Variants in PTPRN2 observed in about 807,000 individuals in gnomAD.
PTPRN2 encodes protein tyrosine phosphatase receptor type N2, also known as receptor-type tyrosine-protein phosphatase N2.
Under a neutral mutation model 118.8 loss-of-function variants are expected in PTPRN2, and 74 were observed. The observed-to-expected ratio is 0.62, with a 90% CI of 0.52 to 0.76. PTPRN2 has a LOEUF of 0.76. Among genes scored for constraint, PTPRN2 ranks in the 30% least tolerant of loss-of-function variants. The pLI is 0.00. For missense variants in PTPRN2, 1,481 were observed against 1,394.4 expected (o/e 1.06, Z -0.99); for synonymous variants, 641 against 608.0 (o/e 1.05, Z -0.80).
At chr7:158,295,791 CCTTT>C (rs1245016410) in intron 3 of PTPRN2, among the ~76,000 whole-genome samples, 1 of 149,932 alleles carries the variant, frequency 6.7e-6, no homozygotes, top group African/African-American at 2.5e-5. Flanking sequence ...GGTTCACCCG[CCTTT>C]CTGAGGGTCC....
intron 6 of PTPRN2, among the ~76,000 whole-genome samples, chr7:158,146,643 C>A (rs982811508): frequency 4.0e-5 from 6 of 149,476 alleles, no homozygotes; most frequent in Non-Finnish European, 8.9e-5. Context: ...ATGGTGTGAA[C>A]CCAGGAGGCG....
At chr7:158,530,667 T>C (rs1825152989) in intron 1 of PTPRN2, among the ~76,000 whole-genome samples, 2 of 152,246 alleles carry the variant, frequency 1.3e-5, no homozygotes, top group Admixed American at 1.3e-4. Context: ...GTGAGGTGTA[T>C]GTGTGCAGGT....
chr7:157,970,868 CCT>C (rs1802283876), intron 11 of PTPRN2, among the ~76,000 whole-genome samples: 3 of 152,204 alleles, frequency 2.0e-5, no homozygotes, highest in Admixed American at 2.0e-4. Context: ...CCCTGGTCCC[CCT>C]CTCTGCCCAG....
chr7:157,605,424 C>G (rs749574590), intron 15 of PTPRN2, among the ~76,000 whole-genome samples: 1 of 152,212 alleles, frequency 6.6e-6, no homozygotes, highest in Non-Finnish European at 1.5e-5. Flanking sequence ...CAGGTCTGGG[C>G]TCCCTGAAGG....
chr7:158,379,032 T>TGCAGGGTGAGGCAGGGTGAG lies in PTPRN2; in HGVS notation c.164-62101_164-62100insCTCACCCTGCCTCACCCTGC, dbSNP rs71302089. Among the ~76,000 whole-genome samples the TGCAGGGTGAGGCAGGGTGAG allele has an allele frequency of 5.3e-4, 80 of 152,186 alleles. 1 individual carries two copies. The East Asian group carries it at 0.013, about 25-fold the overall frequency. Reference sequence around the variant, plus strand: ...AGAGCTGTGGAGGGGAAGAGCTCCCTGCAGGGTGAGGCAGGGTGCGGGGTG... The same window carrying TGCAGGGTGAGGCAGGGTGAG: ...AGAGCTGTGGAGGGGAAGAGCTCCCTGCAGGGTGAGGCAGGGTGAGGCAGGGTGAGGCAGGGTGCGGGGTG... On this transcript the variant is annotated intron_variant, in intron 2 of 22. Coordinates refer to ENST00000389418, the MANE Select transcript of PTPRN2 (RefSeq NM_002847.5).
chr7:157,950,318 T>C (rs1159363867), intron 11 of PTPRN2, among the ~76,000 whole-genome samples: 1 of 152,190 alleles, frequency 6.6e-6, no homozygotes. Flanking sequence ...GAACGGAGGT[T>C]GTGCCAGGTC....
intron 2 of PTPRN2, among the ~76,000 whole-genome samples, chr7:158,363,811 C>T (rs1158698408): frequency 6.6e-6 from 1 of 152,196 alleles, no homozygotes; most frequent in East Asian, 1.9e-4. Context: ...CCACGGATGC[C>T]TCTGGCAGGT....
chr7:157,938,658 G>A (rs61505093), intron 11 of PTPRN2, among the ~76,000 whole-genome samples: 25,627 of 152,090 alleles, frequency 0.17, 2,301 homozygotes, highest in Non-Finnish European at 0.19. Context: ...TAAATGTGAC[G>A]TGTTTAAGTT....
At chr7:157,655,820 C>T (rs1018833214) in intron 14 of PTPRN2, among the ~76,000 whole-genome samples, 18 of 152,102 alleles carry the variant, frequency 1.2e-4, no homozygotes, top group Non-Finnish European at 1.8e-4. Flanking sequence ...ATCACTCCAG[C>T]GAGGACCCTG....
chr7:158,100,747 CTGTT>C (rs1273296386), intron 10 of PTPRN2, among the ~76,000 whole-genome samples: 4 of 152,256 alleles, frequency 2.6e-5, no homozygotes, highest in African/African-American at 7.2e-5. Flanking sequence ...TTTGATGGGA[CTGTT>C]TGTTTCTTGC....
intron 9 of PTPRN2, among the ~76,000 whole-genome samples, chr7:158,111,612 G>A (rs1816280028): frequency 6.6e-6 from 1 of 152,210 alleles, no homozygotes; most frequent in Non-Finnish European, 1.5e-5. Flanking sequence ...AAAGCATGTT[G>A]TACCGCAAAG....
chr7:158,298,135 C>T (rs1039392512), intron 3 of PTPRN2, among the ~76,000 whole-genome samples: 2 of 152,102 alleles, frequency 1.3e-5, no homozygotes, highest in Non-Finnish European at 2.9e-5. Context: ...GTAAAAAGAG[C>T]TCTGTAAGTC....
chr7:158,199,511 C>T (rs1434975384), intron 4 of PTPRN2, among the ~76,000 whole-genome samples: 4 of 152,314 alleles, frequency 2.6e-5, no homozygotes, highest in East Asian at 3.9e-4. Context: ...ATTCTAATGT[C>T]GCCTTTATTT....
intron 1 of PTPRN2, among the ~76,000 whole-genome samples, chr7:158,510,885 G>A (rs1243621688): frequency 2.0e-5 from 3 of 152,336 alleles, no homozygotes; most frequent in South Asian, 2.1e-4. Flanking sequence ...GACATGTGTC[G>A]AGTTCCCAGC....
At chr7:158,309,136 A>C (rs1411302950) in intron 3 of PTPRN2, among the ~76,000 whole-genome samples, 1 of 152,230 alleles carries the variant, frequency 6.6e-6, no homozygotes, top group Non-Finnish European at 1.5e-5. Flanking sequence ...TGTGATGGTT[A>C]ATATTGAGTG....
Position 157,780,484 on chromosome 7 carries a change from G to A in PTPRN2, c.1789-97547C>T, listed in dbSNP as rs773279890. Among the ~76,000 whole-genome samples the A allele has an allele frequency of 6.6e-6, 1 of 152,238 alleles. No individual in the cohort carries two copies. The highest frequency in any genetic ancestry group is 1.5e-5 in the Non-Finnish European group (1 of 68,034). ...TGGCGGAACACGGCCCAGAGCAACT[G>A]AAGTTCGCTTGTCCCCACAGGCAGC... On this transcript the variant is annotated intron_variant, in intron 12 of 22. Transcript: ENST00000389418. This position sits in a 1 kb window ranked among gnomAD's most constrained non-coding sequence, Gnocchi z 4.5.
At chr7:158,300,212 G>C (rs965173818) in intron 3 of PTPRN2, among the ~76,000 whole-genome samples, 1 of 152,162 alleles carries the variant, frequency 6.6e-6, no homozygotes, top group African/African-American at 2.4e-5. Context: ...GGAAATGATT[G>C]TAATTATGAG....
intron 3 of PTPRN2, among the ~76,000 whole-genome samples, chr7:158,228,808 G>A (rs1287436351): frequency 6.6e-6 from 1 of 152,064 alleles, no homozygotes; most frequent in African/African-American, 2.4e-5. Flanking sequence ...AACCTCTTGG[G>A]GGCCCTGGCT....
intron 12 of PTPRN2, among the ~76,000 whole-genome samples, chr7:157,817,806 T>C (rs1246387841): frequency 1.3e-5 from 2 of 152,108 alleles, no homozygotes; most frequent in Non-Finnish European, 2.9e-5. Flanking sequence ...TACATGTCTG[T>C]GTATGTGTGC....
Sources: allele counts gnomAD v4.1 joint callset (sites outside exome capture counted in the v4.1 genomes callset), GRCh38; gene constraint gnomAD v4.1.1; non-coding constraint Gnocchi (gnomAD v3.1); transcripts MANE v1.5; gene names NCBI Gene and HGNC (gene_info 2026-07-23, HGNC 2026-07-21).